The following OR1M1 variants were observed in gnomAD, a reference collection of about 807,000 sequenced individuals.
OR1M1 encodes olfactory receptor 1M1.
For synonymous variants in OR1M1, 157 were observed against 165.5 expected (o/e 0.95, Z 0.39); for missense variants, 397 against 401.8 (o/e 0.99, Z 0.10).
chr19:9,091,139 C>A (rs577045859), intron 1 of OR1M1, among the ~76,000 whole-genome samples: 1 of 151,904 alleles, frequency 6.6e-6, no homozygotes, highest in South Asian at 2.1e-4. Context: ...CGCACTCCAG[C>A]CCGAGTGACA....
Position 9,094,180 on chromosome 19 carries a change from T to C in OR1M1, c.936T>C (p.Ser312=), listed in dbSNP as rs1568297432. Residue 312 remains serine, a synonymous_variant, in exon 2 of 2, where the codon TCT becomes TCC. Transcript: ENST00000641627. ...RKLVNRKITS[S]S Reference sequence around the variant, plus strand: ...TGGTCAACAGAAAGATCACCTCATCTTCCTGACCACCAGGACTCAGGAACT... The same window carrying C: ...TGGTCAACAGAAAGATCACCTCATCCTCCTGACCACCAGGACTCAGGAACT... 1.2e-6 allele frequency: 2 copies of C among 1,602,272 alleles called. No homozygotes were observed. Among genetic ancestry groups the C allele is most frequent in the Non-Finnish European group, 1.7e-6 (2 of 1,176,224 alleles).
At position 9,092,072 on chromosome 19, in the gene OR1M1, C is replaced by CTTTT. The variant is rs35789114; in HGVS notation, c.-13-1136_-13-1133dup. ...TATAGGTGTCCACCATCATGCCTGG[C>CTTTT]TTTTTTTTTTTTTTTTTTTTTTTTT... On this transcript the variant is annotated intron_variant, in intron 1 of 1. Coordinates refer to ENST00000641627, the MANE Select transcript of OR1M1 (RefSeq NM_001004456.2). 3.5e-4 allele frequency among the ~76,000 whole-genome samples: 14 copies of CTTTT among 39,796 alleles called. 4 individuals carry two copies. The East Asian group carries it at 6.0e-3, about 17-fold the overall frequency. 26.1% of individuals were successfully genotyped at this position (39,796 alleles called of 152,430 possible).
intron 1 of OR1M1, among the ~76,000 whole-genome samples, chr19:9,087,812 T>C (rs1013576056): frequency 6.6e-6 from 1 of 152,166 alleles, no homozygotes; most frequent in Non-Finnish European, 1.5e-5. Flanking sequence ...CTTACCAAAC[T>C]AGCTCAGCCT....
chr19:9,090,390 A>C (rs2050285857), intron 1 of OR1M1, among the ~76,000 whole-genome samples: 1 of 152,262 alleles, frequency 6.6e-6, no homozygotes. Flanking sequence ...AAATCACAAA[A>C]ATAAAAAATA....
In OR1M1 at chr19:9,093,935, G is replaced by A. The variant is rs766265149; in HGVS notation, c.691G>A (p.Ala231Thr). The change falls in exon 2 of 2, where the codon GCA becomes ACA. Residue 231 changes from alanine to threonine, a missense_variant. Transcript: ENST00000641627. Reference sequence around the variant, plus strand: ...TGTGGCCATCATGAAGGTCCCCTCTGCAGGCGGCAGGAAGAAAGCCTTCTC... The same window carrying A: ...TGTGGCCATCATGAAGGTCCCCTCTACAGGCGGCAGGAAGAAAGCCTTCTC... ...ILVAIMKVPSAGGRKKAFSTC... is the reference protein window; with the variant it reads ...ILVAIMKVPSTGGRKKAFSTC... The A allele has an allele frequency of 1.2e-6, 2 of 1,614,108 alleles. No individual in the cohort carries two copies. The highest frequency in any genetic ancestry group is 2.2e-5 in the South Asian group (2 of 91,084).
At chr19:9,087,574 C>T (rs1033732436) in intron 1 of OR1M1, among the ~76,000 whole-genome samples, 1 of 152,130 alleles carries the variant, frequency 6.6e-6, no homozygotes, top group Non-Finnish European at 1.5e-5. Context: ...ACCTCAGCCT[C>T]CCGAGTAGCT....
chr19:9,093,206 A>G, intron 1 of OR1M1, 26 bp from the exon 2 acceptor site: 1 of 1,445,890 alleles, frequency 6.9e-7, no homozygotes, highest in Non-Finnish European at 9.5e-7. Flanking sequence ...TGTCATTCCT[A>G]TAACCTCCCC....
rs572607972 is a variant in OR1M1, at chr19:9,093,109, C to CACACACACACAT, written c.-13-122_-13-121insCACACACACATA. 4.9e-3 allele frequency: 2,418 copies of CACACACACACAT among 491,184 alleles called. 10 individuals carry two copies. Among genetic ancestry groups the CACACACACACAT allele is most frequent in the Non-Finnish European group, 6.8e-3 (1,870 of 276,946 alleles). 30.4% of individuals were successfully genotyped at this position (491,184 alleles called of 1,614,324 possible). ...ACACACACACACACACACACACACA[C>CACACACACACAT]ATATATATATATACACATCTGGTCT... On this transcript the variant is annotated intron_variant, in intron 1 of 1. Transcript: ENST00000641627.
chr19:9,093,669 G>A lies in OR1M1; in HGVS notation c.425G>A (p.Arg142His), dbSNP rs199757859. 71 of 1,613,984 alleles carry A rather than the reference G, an allele frequency of 4.4e-5. No individual in the cohort carries two copies. Among genetic ancestry groups the A allele is most frequent in the Middle Eastern group, 1.6e-4 (1 of 6,084 alleles). Residue 142 changes from arginine to histidine, a missense_variant, in exon 2 of 2, where the codon CGC becomes CAC. Transcript: ENST00000641627. ...AAGATCATGAGCCTACGCCTCTGTC[G>A]CCTGCTGGTCGGCGCCCTCTGGGCG... ...YAKIMSLRLC[R>H]LLVGALWAFS...
At position 9,094,066 on chromosome 19, in the gene OR1M1, T is replaced by G; in HGVS notation, c.822T>G (p.Ser274=). The G allele has an allele frequency of 6.2e-7, 1 of 1,614,036 alleles. No individual in the cohort carries two copies. Among genetic ancestry groups the G allele is most frequent in the Non-Finnish European group, 8.5e-7 (1 of 1,179,986 alleles). The change falls in exon 2 of 2, where the codon TCT becomes TCG. Residue 274 remains serine, a synonymous_variant. Transcript: ENST00000641627. ...SVLTTVKEKA[S]AVMYTAVTPM... ...TCACCACTGTGAAGGAGAAAGCTTC[T>G]GCGGTGATGTACACAGCAGTCACCC...
rs556705976 is a variant in OR1M1, at chr19:9,088,613, C to T, written c.-14+1456C>T. 2.6e-5 allele frequency among the ~76,000 whole-genome samples: 4 copies of T among 152,176 alleles called. No homozygotes were observed. In the South Asian group the frequency reaches 8.3e-4, roughly 32 times the overall value. On this transcript the variant is annotated intron_variant, in intron 1 of 1. Transcript: ENST00000641627. ...AAAAATACTCTGACTCGGCCAGGCA[C>T]GGTGGCTCACACCTGTAATCCCAGC...
rs377515970 is a variant in OR1M1, at chr19:9,092,762, G to A, written c.-13-470G>A. 4.9e-4 allele frequency among the ~76,000 whole-genome samples: 74 copies of A among 151,796 alleles called. 2 individuals carry two copies. The East Asian group carries it at 0.013, about 27-fold the overall frequency. ...TAAAAGTACAAAAAATTAGCCGGAC[G>A]TGGTGGTGGGCACCTGTAGTCCCAG... On this transcript the variant is annotated intron_variant, in intron 1 of 1. Coordinates refer to ENST00000641627, the MANE Select transcript of OR1M1 (RefSeq NM_001004456.2).
chr19:9,091,817 C>T (rs758440684), intron 1 of OR1M1, among the ~76,000 whole-genome samples: 5 of 152,046 alleles, frequency 3.3e-5, no homozygotes, highest in Non-Finnish European at 7.3e-5. Context: ...GACATAGTGG[C>T]TCCGGGAGAA....
At chr19:9,087,566 C>G (rs1425730571) in intron 1 of OR1M1, among the ~76,000 whole-genome samples, 1 of 152,118 alleles carries the variant, frequency 6.6e-6, no homozygotes, top group African/African-American at 2.4e-5. Flanking sequence ...ATTCTCCTAC[C>G]TCAGCCTCCC....
chr19:9,091,849 T>C (rs943975257), intron 1 of OR1M1, among the ~76,000 whole-genome samples: 12 of 152,078 alleles, frequency 7.9e-5, no homozygotes, highest in African/African-American at 2.7e-4. Flanking sequence ...TTTTTTTATA[T>C]GTTGAGTTTG....
chr19:9,088,003 G>A (rs1489006484), intron 1 of OR1M1, among the ~76,000 whole-genome samples: 1 of 151,924 alleles, frequency 6.6e-6, no homozygotes, highest in Non-Finnish European at 1.5e-5. Flanking sequence ...AGATTCTCCT[G>A]CCTCAGCCTC....
Position 9,090,729 on chromosome 19 carries a change from C to T in OR1M1, c.-13-2503C>T, listed in dbSNP as rs368015439. Among the ~76,000 whole-genome samples the T allele has an allele frequency of 2.0e-4, 31 of 151,796 alleles. 1 individual carries two copies. The highest frequency in any genetic ancestry group is 4.3e-4 in the Non-Finnish European group (29 of 67,908). ...GATGACAGGCATGAGCCACCGCGCC[C>T]GGCCGACTTCAGGATTGTTTCAAAG... On this transcript the variant is annotated intron_variant, in intron 1 of 1. Transcript: ENST00000641627.
intron 1 of OR1M1, among the ~76,000 whole-genome samples, chr19:9,092,151 T>C (rs914319397): frequency 7.2e-6 from 1 of 138,696 alleles, no homozygotes; most frequent in Non-Finnish European, 1.5e-5. Context: ...AACACCTGCA[T>C]TCAAGCTCTC....
chr19:9,093,160 G>A, intron 1 of OR1M1, 72 bp from the exon 2 acceptor site: 1 of 817,748 alleles, frequency 1.2e-6, no homozygotes, highest in East Asian at 2.5e-5. Context: ...TGAGAACTGG[G>A]ATGTGATCGC....
Sources: gnomAD v4.1 joint callset for allele counts (sites outside exome capture counted in the v4.1 genomes callset) on GRCh38, gnomAD v4.1.1 for gene constraint, MANE v1.5 for transcripts, NCBI Gene and HGNC (gene_info 2026-07-23, HGNC 2026-07-21) for gene names.